PES1: variants seen among roughly 807,000 people sequenced by gnomAD.
PES1 encodes the protein pescadillo homolog.
PES1 carries 31 observed loss-of-function variants against 77.1 expected under a neutral mutation model. That is an observed-to-expected ratio of 0.40 (90% CI 0.30 to 0.54). The LOEUF is 0.54. Among genes scored for constraint, PES1 ranks in the 20% least tolerant of loss-of-function variants. PES1 has a pLI of 0.45. For synonymous variants in PES1, 282 were observed against 303.0 expected (o/e 0.93, Z 0.72); for missense variants, 658 against 771.7 (o/e 0.85, Z 1.75).
chr22:30,579,634 CT>C, intron 12 of PES1, 116 bp downstream of exon 12: 1 of 990,012 alleles, frequency 1.0e-6, no homozygotes, highest in Non-Finnish European at 1.5e-6. Flanking sequence ...CTACAGGTGA[CT>C]TCAAAGGGCT....
chr22:30,591,515 C>G (rs938601203), intron 1 of PES1, among the ~76,000 whole-genome samples: 1 of 152,188 alleles, frequency 6.6e-6, no homozygotes, highest in African/African-American at 2.4e-5. Context: ...ATCACCCTTT[C>G]GGTAAATAGT....
chr22:30,592,424 T>C (rs973726428), upstream of PES1: 36 of 985,824 alleles, frequency 3.7e-5, no homozygotes, highest in Non-Finnish European at 4.3e-5. Context: ...GGAAGACATT[T>C]TTCCTCGCGG....
intron 4 of PES1, among the ~76,000 whole-genome samples, chr22:30,585,669 G>C (rs2146470831): frequency 7.7e-6 from 1 of 129,636 alleles, no homozygotes; most frequent in South Asian, 2.6e-4. Context: ...TCTTCAAGGA[G>C]AAGAAGCTTC....
At chr22:30,596,663 G>A (rs557038693), upstream of PES1, among the ~76,000 whole-genome samples, 7 of 152,156 alleles carry the variant, frequency 4.6e-5, no homozygotes, top group Non-Finnish European at 8.8e-5. Flanking sequence ...TTTATAAACC[G>A]ATGACTCTGT....
chr22:30,589,092 C>T, intron 2 of PES1, 99 bp downstream of exon 2: 1 of 814,522 alleles, frequency 1.2e-6, no homozygotes, highest in Non-Finnish European at 2.0e-6. Flanking sequence ...AATACCAGAA[C>T]CCCAGAATGG....
At chr22:30,587,225 C>T in intron 4 of PES1, 61 bp downstream of exon 4, 2 of 1,195,734 alleles carry the variant, frequency 1.7e-6, no homozygotes, top group Non-Finnish European at 2.5e-6. Flanking sequence ...ATCCCTGGTG[C>T]TAGGGCAGAG....
upstream of PES1, among the ~76,000 whole-genome samples, chr22:30,592,914 C>A (rs1025760272): frequency 6.6e-6 from 1 of 152,052 alleles, no homozygotes; most frequent in Non-Finnish European, 1.5e-5. Context: ...TACAAATAGT[C>A]ACATCACCTT....
At chr22:30,606,796 C>T in intron 1 of PES1, 1 of 984,310 alleles carries the variant, frequency 1.0e-6, no homozygotes, top group Non-Finnish European at 1.2e-6. Context: ...CTGACTCCAG[C>T]AATGCTGCTC....
In PES1 at chr22:30,581,346, C is replaced by A; in HGVS notation, c.810G>T (p.Glu270Asp). The change falls in exon 8 of 15, where the codon GAG becomes GAT. Residue 270 changes from glutamate to aspartate, a missense_variant. Transcript: ENST00000354694. ...AGEGTYALDS[E>D]SCMEKLAALS... The stretch of plus-strand genomic sequence containing the variant: ...TGGAGCCTCTCACCTCCATACAACT[C>A]TCGGAGTCCAACGCGTAGGTGCCCT... 6.2e-6 allele frequency: 10 copies of A among 1,613,852 alleles called. No homozygotes were observed. Among genetic ancestry groups the A allele is most frequent in the Non-Finnish European group, 8.5e-6 (10 of 1,180,034 alleles).
At chr22:30,597,338 T>A (rs1203167243) in intron 2 of PES1, among the ~76,000 whole-genome samples, 1 of 151,820 alleles carries the variant, frequency 6.6e-6, no homozygotes, top group Non-Finnish European at 1.5e-5. Flanking sequence ...CTGAGTCTAG[T>A]GGGGATTTGG....
chr22:30,589,065 C>T (rs546053329), intron 2 of PES1, 126 bp downstream of exon 2: 44 of 657,560 alleles, frequency 6.7e-5, no homozygotes, highest in African/African-American at 5.6e-4. Flanking sequence ...AAAGCAAGGG[C>T]GGTGAGAAAG....
chr22:30,583,747 G>C (rs1420036975), intron 6 of PES1, among the ~76,000 whole-genome samples: 1 of 152,246 alleles, frequency 6.6e-6, no homozygotes, highest in Non-Finnish European at 1.5e-5. Flanking sequence ...AATATAGTGA[G>C]ACCCTATCTC....
At position 30,587,341 on chromosome 22, in the gene PES1, C is replaced by G. The variant is rs779273947; in HGVS notation, c.313G>C (p.Glu105Gln). The change falls in exon 4 of 15, where the codon GAG (glutamate) becomes CAG (glutamine). Residue 105 changes from glutamate (E) to glutamine (Q), a missense_variant. Transcript: ENST00000354694. ...TTGGGCTTATTGTCCTTTAAACGCT[C>G]TACAGTGTTCCACTCGCTCTTCCCA... is the stretch of plus-strand genomic sequence containing the variant. ...AYGKSEWNTV[E>Q]RLKDNKPNYK... 6.2e-7 allele frequency: 1 copy of G among 1,614,010 alleles called. No individual in the cohort carries two copies. Among genetic ancestry groups the G allele is most frequent in the South Asian group, 1.1e-5 (1 of 91,078 alleles).
At chr22:30,596,546 C>G (rs2087255386), upstream of PES1, among the ~76,000 whole-genome samples, 1 of 151,378 alleles carries the variant, frequency 6.6e-6, no homozygotes, top group Admixed American at 6.6e-5. Context: ...GGAAACTACC[C>G]AAAATTTTGG....
At chr22:30,579,448 G>T in intron 12 of PES1, 145 bp from the exon 13 acceptor site, 1 of 1,344,008 alleles carries the variant, frequency 7.4e-7, no homozygotes, top group Non-Finnish European at 1.0e-6. Flanking sequence ...GCCCTCTCTT[G>T]CACCTCCCCA....
rs2087145150 is a variant in PES1, at chr22:30,589,405, C to T, written c.25-135G>A. On this transcript the variant is annotated intron_variant, in intron 1 of 14. Coordinates refer to ENST00000354694, the MANE Select transcript of PES1 (RefSeq NM_014303.4). ...GATGAGTCTAGGAGAGGAAACACTG[C>T]AGGGAAGGAGCCGACCTGCCTGGAT... 4 of 739,656 alleles carry T rather than the reference C, an allele frequency of 5.4e-6. No homozygotes were observed. In the Admixed American group the frequency reaches 9.6e-5, roughly 18 times the overall value. 45.8% of individuals were successfully genotyped at this position (739,656 alleles called of 1,614,324 possible).
chr22:30,585,191 G>A, intron 4 of PES1: 2 of 456,414 alleles, frequency 4.4e-6, no homozygotes, highest in South Asian at 3.2e-5. Context: ...CTGGCCACCG[G>A]TCGCCAGCGT....
chr22:30,583,951 G>A (rs921789863), intron 6 of PES1, among the ~76,000 whole-genome samples: 1 of 152,244 alleles, frequency 6.6e-6, no homozygotes, highest in African/African-American at 2.4e-5. Flanking sequence ...AAGCAGGGAC[G>A]AGGAGCCCAG....
chr22:30,585,630 T>C (rs1386675706), intron 4 of PES1, among the ~76,000 whole-genome samples: 2 of 151,570 alleles, frequency 1.3e-5, no homozygotes, highest in African/African-American at 4.9e-5. Flanking sequence ...TTTGTTACTT[T>C]TTCTATTTTC....
Sources: gnomAD v4.1 joint callset for allele counts (sites outside exome capture counted in the v4.1 genomes callset) on GRCh38, gnomAD v4.1.1 for gene constraint, MANE v1.5 for transcripts, NCBI Gene and HGNC (gene_info 2026-07-23, HGNC 2026-07-21) for gene names.